MBD5: variants seen among roughly 807,000 people sequenced by gnomAD.
MBD5 encodes methyl-CpG binding domain protein 5.
MBD5 carries 13 observed loss-of-function variants against 117.3 expected under a neutral mutation model. The ratio of observed to expected loss-of-function variants is 0.11; its 90% CI spans 0.07 to 0.18. The LOEUF is 0.18. Ranked by LOEUF, MBD5 falls within the 10% of genes least tolerant of loss-of-function variation. MBD5 has a pLI of 1.00. For synonymous variants in MBD5, 727 were observed against 766.4 expected (o/e 0.95, Z 0.85); for missense variants, 1,879 against 2,093.8 (o/e 0.90, Z 2.00).
intron 1 of MBD5, among the ~76,000 whole-genome samples, chr2:148,106,316 G>T (rs12470955): frequency 0.44 from 66,309 of 151,542 alleles, 14,588 homozygotes; most frequent in Middle Eastern, 0.54. Context: ...GTAAATAAAT[G>T]AAATCTTTTA....
intron 4 of MBD5, among the ~76,000 whole-genome samples, chr2:148,456,018 A>C (rs553654844): frequency 6.6e-6 from 1 of 152,268 alleles, no homozygotes; most frequent in Admixed American, 6.5e-5. Context: ...CCTTGTGAAC[A>C]GGGATTGACC....
chr2:148,425,036 G>A (rs1705732341), intron 4 of MBD5, among the ~76,000 whole-genome samples: 1 of 152,078 alleles, frequency 6.6e-6, no homozygotes, highest in Non-Finnish European at 1.5e-5. Flanking sequence ...ACTAACATCA[G>A]AGCAGAACTG....
intron 1 of MBD5, among the ~76,000 whole-genome samples, chr2:148,148,430 G>A (rs1432078351): frequency 2.6e-5 from 4 of 152,108 alleles, no homozygotes; most frequent in South Asian, 2.1e-4. Flanking sequence ...CTCTTCATAT[G>A]GAAATTCAGC....
chr2:148,502,643 A>G, intron 12 of MBD5, 134 bp downstream of exon 12: 1 of 836,392 alleles, frequency 1.2e-6, no homozygotes, highest in Non-Finnish European at 2.0e-6. Flanking sequence ...ACCACCAAAG[A>G]GGACCATTAT....
chr2:148,180,610 A>G (rs1304529137), intron 2 of MBD5, among the ~76,000 whole-genome samples: 1 of 151,894 alleles, frequency 6.6e-6, no homozygotes, highest in Non-Finnish European at 1.5e-5. Flanking sequence ...GGGTCACTGC[A>G]GCATCAACCT....
At chr2:148,224,074 G>A (rs1699756839) in intron 2 of MBD5, among the ~76,000 whole-genome samples, 2 of 152,004 alleles carry the variant, frequency 1.3e-5, no homozygotes, top group African/African-American at 4.8e-5. Flanking sequence ...ATTCCACTTT[G>A]GTCAGAGAAC....
At chr2:148,394,315 T>C (rs1035667086) in intron 4 of MBD5, among the ~76,000 whole-genome samples, 5 of 152,174 alleles carry the variant, frequency 3.3e-5, no homozygotes, top group Non-Finnish European at 5.9e-5. Flanking sequence ...CTAGTTATTT[T>C]ACTCTGGGGT....
At chr2:148,354,690 C>T (rs1216341585) in intron 4 of MBD5, among the ~76,000 whole-genome samples, 1 of 152,226 alleles carries the variant, frequency 6.6e-6, no homozygotes, top group African/African-American at 2.4e-5. Flanking sequence ...GGAATCACCA[C>T]ACTGTCTTCC....
At chr2:148,230,342 T>C (rs1481552077) in intron 2 of MBD5, among the ~76,000 whole-genome samples, 1 of 152,114 alleles carries the variant, frequency 6.6e-6, no homozygotes, top group African/African-American at 2.4e-5. Flanking sequence ...CTACCACATC[T>C]CCACAGGGAG....
chr2:148,085,354 C>A (rs1695749742), intron 1 of MBD5, among the ~76,000 whole-genome samples: 1 of 152,206 alleles, frequency 6.6e-6, no homozygotes, highest in Non-Finnish European at 1.5e-5. Context: ...AAATTTTGTT[C>A]TTTTCCCGTT....
intron 2 of MBD5, among the ~76,000 whole-genome samples, chr2:148,197,582 A>G (rs1409754250): frequency 1.3e-5 from 2 of 152,148 alleles, no homozygotes; most frequent in African/African-American, 4.8e-5. Context: ...TCTATATTCC[A>G]TGGAACTTAA....
chr2:148,299,949 C>T (rs551059530), intron 3 of MBD5, among the ~76,000 whole-genome samples: 3 of 152,176 alleles, frequency 2.0e-5, no homozygotes, highest in Non-Finnish European at 4.4e-5. Flanking sequence ...TGTGTCAGTG[C>T]TTTTGCTTTC....
intron 1 of MBD5, among the ~76,000 whole-genome samples, chr2:148,125,712 G>A (rs1696873270): frequency 6.6e-6 from 1 of 152,158 alleles, no homozygotes; most frequent in African/African-American, 2.4e-5. Flanking sequence ...TTATCACTGT[G>A]TAGTGCAAAT....
At chr2:148,459,295 G>A (rs532436547) in intron 5 of MBD5, among the ~76,000 whole-genome samples, 5 of 152,106 alleles carry the variant, frequency 3.3e-5, no homozygotes, top group Non-Finnish European at 5.9e-5. Context: ...AATGCCTCAT[G>A]TTAACTAAAA....
chr2:148,411,793 T>A (rs1426340330), intron 4 of MBD5, among the ~76,000 whole-genome samples: 2 of 152,076 alleles, frequency 1.3e-5, no homozygotes, highest in Non-Finnish European at 2.9e-5. Context: ...ATTCTGTAGG[T>A]TGTCTGTTTA....
intron 4 of MBD5, among the ~76,000 whole-genome samples, chr2:148,450,390 A>T (rs2105476777): frequency 6.6e-6 from 1 of 152,222 alleles, no homozygotes; most frequent in East Asian, 1.9e-4. Context: ...AGGCTTTTTA[A>T]TTGTTTTTAG....
intron 1 of MBD5, among the ~76,000 whole-genome samples, chr2:148,162,874 C>T (rs1698042247): frequency 6.6e-6 from 1 of 152,036 alleles, no homozygotes; most frequent in South Asian, 2.1e-4. Flanking sequence ...TAAAAAATGG[C>T]AAATAAATAA....
intron 2 of MBD5, among the ~76,000 whole-genome samples, chr2:148,229,406 T>C (rs1238213142): frequency 6.6e-6 from 1 of 152,182 alleles, no homozygotes; most frequent in African/African-American, 2.4e-5. Flanking sequence ...CTGTGTTATC[T>C]TGAATTTCTT....
chr2:148,140,995 C>T (rs1216386935), intron 1 of MBD5, among the ~76,000 whole-genome samples: 4 of 152,122 alleles, frequency 2.6e-5, no homozygotes, highest in Non-Finnish European at 5.9e-5. Context: ...TGTTCTCGAA[C>T]TCCTGGGCTC....
Sources: allele counts gnomAD v4.1 joint callset (sites outside exome capture counted in the v4.1 genomes callset), GRCh38; gene constraint gnomAD v4.1.1; transcripts MANE v1.5; gene names NCBI Gene and HGNC (gene_info 2026-07-23, HGNC 2026-07-21).